The following STPG2 variants were observed in gnomAD, a reference collection of about 807,000 sequenced individuals.
STPG2 encodes the protein sperm tail PG-rich repeat containing 2, also known as sperm-tail PG-rich repeat-containing protein 2.
In STPG2, 56 loss-of-function variants were observed where a neutral mutation model predicts 54.2. That is an observed-to-expected ratio of 1.03 (90% confidence interval 0.83 to 1.29). The LOEUF (loss-of-function observed/expected upper bound fraction) is 1.29, where lower values mean the gene tolerates loss of function less well. Among genes scored for constraint, STPG2 ranks in the 50% most tolerant of loss-of-function variants. The pLI, the probability that STPG2 is intolerant of heterozygous loss-of-function variation, is 0.00. For synonymous variants in STPG2, 200 were observed against 181.8 expected (o/e 1.10, Z -0.81); for missense variants, 596 against 544.9 (o/e 1.09, Z -0.93).
At chr4:97,815,283 C>G (rs926202450) in intron 9 of STPG2, among the ~76,000 whole-genome samples, 4 of 152,048 alleles carry the variant, frequency 2.6e-5, no homozygotes, top group Non-Finnish European at 5.9e-5. Flanking sequence ...TTGACTATCC[C>G]TTATCCAAAA....
intron 10 of STPG2, among the ~76,000 whole-genome samples, chr4:97,661,700 C>T (rs2148961757): frequency 6.7e-6 from 1 of 149,848 alleles, no homozygotes; most frequent in African/African-American, 2.5e-5. Flanking sequence ...AAAGAAAAGT[C>T]ATATTAATAG....
chr4:97,644,379 C>A (rs1489484700), intron 10 of STPG2, among the ~76,000 whole-genome samples: 1 of 152,006 alleles, frequency 6.6e-6, no homozygotes. Flanking sequence ...TCCCATGTCA[C>A]TGCTTTTGAC....
chr4:97,756,062 T>A (rs1725723359), intron 9 of STPG2, among the ~76,000 whole-genome samples: 1 of 151,846 alleles, frequency 6.6e-6, no homozygotes, highest in African/African-American at 2.4e-5. Context: ...CCCTCCCTTC[T>A]TCTCTCTCTC....
At chr4:97,992,573 G>A (rs1735055710) in intron 5 of STPG2, among the ~76,000 whole-genome samples, 1 of 152,014 alleles carries the variant, frequency 6.6e-6, no homozygotes, top group South Asian at 2.1e-4. Context: ...TCTTTCTTTG[G>A]CTATGTGGGT....
chr4:97,662,328 A>T (rs1578462186), intron 10 of STPG2, among the ~76,000 whole-genome samples: 1 of 152,280 alleles, frequency 6.6e-6, no homozygotes, highest in South Asian at 2.1e-4. Context: ...CTACAATAAG[A>T]TACCATCTCA....
intron 10 of STPG2, among the ~76,000 whole-genome samples, chr4:97,599,976 C>T (rs1733415270): frequency 6.6e-6 from 1 of 152,176 alleles, no homozygotes; most frequent in Admixed American, 6.5e-5. Context: ...CCTAAATGAA[C>T]TAACACAGAC....
intron 8 of STPG2, among the ~76,000 whole-genome samples, chr4:97,919,085 T>TA (rs1451715819): frequency 1.3e-5 from 2 of 152,056 alleles, no homozygotes; most frequent in Non-Finnish European, 2.9e-5. Context: ...TACATAGGGA[T>TA]TAAACACACT....
At chr4:97,506,502 T>C (rs1383181960) in intron 4 of STPG2, among the ~76,000 whole-genome samples, 4 of 151,752 alleles carry the variant, frequency 2.6e-5, no homozygotes, top group Non-Finnish European at 4.4e-5. Context: ...TAAAAGGCAT[T>C]CTTTAGGCAG....
chr4:97,487,199 GA>G (rs375633953), intron 4 of STPG2, among the ~76,000 whole-genome samples: 22 of 144,070 alleles, frequency 1.5e-4, no homozygotes, highest in African/African-American at 2.8e-4. Context: ...ATAACCTATG[GA>G]AAAAAAAAAC....
At chr4:97,449,782 A>T (rs1430862749) in intron 4 of STPG2, among the ~76,000 whole-genome samples, 2 of 152,306 alleles carry the variant, frequency 1.3e-5, no homozygotes, top group South Asian at 4.1e-4. Context: ...ATGTAATAGA[A>T]TGAGAGTTAC....
At chr4:97,521,863 T>C (rs1731187028) in intron 4 of STPG2, among the ~76,000 whole-genome samples, 1 of 151,956 alleles carries the variant, frequency 6.6e-6, no homozygotes, top group Non-Finnish European at 1.5e-5. Flanking sequence ...TAGTATCAGC[T>C]ACTGGGAAGG....
chr4:98,026,322 A>G, intron 5 of STPG2: 1 of 542,602 alleles, frequency 1.8e-6, no homozygotes, highest in Non-Finnish European at 3.3e-6. Flanking sequence ...GTATGGACAG[A>G]AAAAAAAATG....
Position 97,943,881 on chromosome 4 carries a change from G to A in STPG2, c.1044+16C>T, listed in dbSNP as rs772280874. 6 of 1,480,616 alleles carry A rather than the reference G, an allele frequency of 4.1e-6. No homozygotes were observed. The African/African-American group carries it at 5.8e-5, about 14-fold the overall frequency. 91.7% of individuals were successfully genotyped at this position (1,480,616 alleles called of 1,614,324 possible). On this transcript the variant is annotated intron_variant, in intron 8 of 10. Coordinates refer to ENST00000295268, the MANE Select transcript of STPG2 (RefSeq NM_174952.3). ...TTCTAGATAATGAAAATATTTGATT[G>A]TAGGAGTATTCTTACCATATCTGGT...
At chr4:97,994,591 C>T (rs1448930433) in intron 5 of STPG2, among the ~76,000 whole-genome samples, 2 of 152,192 alleles carry the variant, frequency 1.3e-5, no homozygotes, top group South Asian at 4.1e-4. Context: ...GATCTAGCCA[C>T]CCGGCAGAGA....
chr4:97,868,843 T>A (rs140136808), intron 8 of STPG2, among the ~76,000 whole-genome samples: 103 of 152,082 alleles, frequency 6.8e-4, no homozygotes, highest in African/African-American at 2.4e-3. Context: ...TTTTGTTGCC[T>A]GATAAATATT....
intron 9 of STPG2, among the ~76,000 whole-genome samples, chr4:97,819,515 T>C (rs1036374370): frequency 1.3e-5 from 2 of 152,144 alleles, no homozygotes; most frequent in Non-Finnish European, 2.9e-5. Context: ...AGTAATGATC[T>C]ACTCATTACT....
At chr4:97,908,559 T>C (rs1731543182) in intron 8 of STPG2, among the ~76,000 whole-genome samples, 1 of 151,972 alleles carries the variant, frequency 6.6e-6, no homozygotes, top group East Asian at 1.9e-4. Flanking sequence ...TAAAGACACA[T>C]GCACACATAT....
chr4:97,499,028 A>G (rs953707959), intron 4 of STPG2, among the ~76,000 whole-genome samples: 2 of 151,948 alleles, frequency 1.3e-5, no homozygotes, highest in African/African-American at 4.8e-5. Context: ...TCTCATCAAT[A>G]CTCTGTAGTT....
intron 9 of STPG2, among the ~76,000 whole-genome samples, chr4:97,809,371 T>C (rs202130759): frequency 6.6e-6 from 1 of 152,186 alleles, no homozygotes; most frequent in Non-Finnish European, 1.5e-5. Context: ...CCATCACTGA[T>C]TTTTTAAATC....
Sources: allele counts gnomAD v4.1 joint callset (sites outside exome capture counted in the v4.1 genomes callset), GRCh38; gene constraint gnomAD v4.1.1; transcripts MANE v1.5; gene names NCBI Gene and HGNC (gene_info 2026-07-23, HGNC 2026-07-21).